Variants in SPAG17 observed in about 807,000 individuals in gnomAD.
SPAG17 encodes sperm associated antigen 17.
A neutral mutation model predicts 273.6 loss-of-function variants in SPAG17; 169 were observed. That is an observed-to-expected ratio of 0.62 (90% CI 0.55 to 0.70). The LOEUF is 0.70. Ranked by LOEUF, SPAG17 falls within the 30% of genes least tolerant of loss-of-function variation. The probability of loss-of-function intolerance (pLI) is 0.00; values close to 1 mark genes in which losing one functional copy is unlikely to be tolerated. For synonymous variants in SPAG17, 825 were observed against 873.2 expected, an observed-to-expected ratio of 0.94 and a Z score of 0.97; for missense variants, 2,557 against 2,627.8, an observed-to-expected ratio of 0.97 and a Z score of 0.59.
intron 48 of SPAG17, chr1:117,962,737 C>CA (rs1653271396): frequency 6.6e-6 from 1 of 152,200 alleles, no homozygotes; most frequent in Non-Finnish European, 1.5e-5. Context: ...AATTATATCT[C>CA]ATTCTAAAGA....
At position 118,152,371 on chromosome 1, in the gene SPAG17, G is replaced by A. The variant is rs531204533; in HGVS notation, c.88-1002C>T. On this transcript the variant is annotated intron_variant, in intron 1 of 48. Transcript: ENST00000336338. ...AAAACAATGTCTAAGATTTGAAAAG[G>A]TCACACAAATTTAATAAAATGCATC... Among the ~76,000 whole-genome samples the A allele has an allele frequency of 3.9e-5, 6 of 152,248 alleles. No individual in the cohort carries two copies. In the East Asian group the frequency reaches 1.2e-3, roughly 29 times the overall value.
intron 36 of SPAG17, 37 bp from the exon 37 acceptor site, chr1:117,991,565 G>A: frequency 7.7e-7 from 1 of 1,292,266 alleles, no homozygotes; most frequent in Non-Finnish European, 1.1e-6. Context: ...ACAAAAACTA[G>A]GAATTAGGAA....
At chr1:118,082,032 T>G (rs1049830410) in intron 13 of SPAG17, among the ~76,000 whole-genome samples, 1 of 152,218 alleles carries the variant, frequency 6.6e-6, no homozygotes, top group Non-Finnish European at 1.5e-5. Context: ...ATTATTTACT[T>G]ATGCCTAATA....
intron 18 of SPAG17, among the ~76,000 whole-genome samples, chr1:118,057,856 T>TA (rs1424851903): frequency 1.3e-5 from 2 of 151,636 alleles, no homozygotes; most frequent in East Asian, 3.9e-4. Flanking sequence ...TTTTTTTTTG[T>TA]AAAATAATAT....
chr1:118,014,639 A>G (rs1021415526), intron 29 of SPAG17, among the ~76,000 whole-genome samples: 1 of 152,234 alleles, frequency 6.6e-6, no homozygotes, highest in Non-Finnish European at 1.5e-5. Context: ...TAGATCATGT[A>G]ATCCATCTTA....
chr1:118,126,043 G>GGT (rs374451307), intron 3 of SPAG17, among the ~76,000 whole-genome samples: 1 of 136,750 alleles, frequency 7.3e-6, no homozygotes, highest in African/African-American at 2.7e-5. Context: ...GTTATTTTCT[G>GGT]TTTTTTTTTT....
chr1:118,168,762 A>G (rs1558058978), intron 1 of SPAG17, among the ~76,000 whole-genome samples: 1 of 152,232 alleles, frequency 6.6e-6, no homozygotes, highest in African/African-American at 2.4e-5. Context: ...GAAAGCAGGG[A>G]TGTCAGTGAG....
At position 118,130,313 on chromosome 1, in the gene SPAG17, T is replaced by C. The variant is rs542829738; in HGVS notation, c.316-14872A>G. Reference sequence around the variant, plus strand: ...TTAAAGATATGGGTTACCTGGGATCTACCCCACAACTATTAAATCAATCTC... The same window carrying C: ...TTAAAGATATGGGTTACCTGGGATCCACCCCACAACTATTAAATCAATCTC... On this transcript the variant is annotated intron_variant, in intron 3 of 48. Coordinates refer to ENST00000336338, the MANE Select transcript of SPAG17 (RefSeq NM_206996.4). 3.3e-5 allele frequency among the ~76,000 whole-genome samples: 5 copies of C among 152,328 alleles called. No homozygotes were observed. The South Asian group carries it at 1.0e-3, about 32-fold the overall frequency.
chr1:117,962,398 A>G (rs1653219155), intron 48 of SPAG17: 1 of 152,178 alleles, frequency 6.6e-6, no homozygotes, highest in Non-Finnish European at 1.5e-5. Flanking sequence ...TAATATAAAA[A>G]CCATCTAATG....
chr1:118,028,410 C>T lies in SPAG17; in HGVS notation c.3610-16G>A, dbSNP rs370538728. The T allele has an allele frequency of 1.2e-6, 2 of 1,611,102 alleles. No individual in the cohort carries two copies. The highest frequency in any genetic ancestry group is 2.7e-5 in the African/African-American group (2 of 74,676). On this transcript the variant is annotated splice_polypyrimidine_tract_variant and intron_variant, in intron 25 of 48. Coordinates refer to ENST00000336338, the MANE Select transcript of SPAG17 (RefSeq NM_206996.4). ...CTTCTTCTTCCTGTAAATAATTCAG[C>T]ATGTGAATAATGGGCTGTCATTTTC...
chr1:118,082,242 A>G (rs910208301), intron 13 of SPAG17, among the ~76,000 whole-genome samples: 1 of 152,178 alleles, frequency 6.6e-6, no homozygotes, highest in Non-Finnish European at 1.5e-5. Flanking sequence ...TTTTCTACGT[A>G]TTAGGCTTTG....
At chr1:118,121,106 T>C (rs1350168436) in intron 3 of SPAG17, among the ~76,000 whole-genome samples, 1 of 152,022 alleles carries the variant, frequency 6.6e-6, no homozygotes, top group African/African-American at 2.4e-5. Context: ...CTTCCCTGCC[T>C]GGAGTTGCTG....
chr1:117,991,105 A>G (rs1009422742), intron 37 of SPAG17, among the ~76,000 whole-genome samples, 199 bp from the exon 38 acceptor site: 2 of 152,220 alleles, frequency 1.3e-5, no homozygotes, highest in Non-Finnish European at 1.5e-5. Flanking sequence ...TTTAACTTGT[A>G]AAAATTCCTT....
intron 18 of SPAG17, among the ~76,000 whole-genome samples, chr1:118,058,533 A>G (rs1165439857): frequency 6.6e-6 from 1 of 152,232 alleles, no homozygotes; most frequent in African/African-American, 2.4e-5. Context: ...AGAGATGTAC[A>G]TACAAACGAA....
At chr1:118,087,054 T>C (rs746145858) in intron 10 of SPAG17, 46 bp from the exon 11 acceptor site, 1 of 1,518,516 alleles carries the variant, frequency 6.6e-7, no homozygotes, top group South Asian at 1.3e-5. Context: ...GGTCCGCTCT[T>C]TAGTGATACT....
intron 46 of SPAG17, 84 bp from the exon 47 acceptor site, chr1:117,966,837 T>A: frequency 1.7e-6 from 2 of 1,202,698 alleles, no homozygotes. Flanking sequence ...GCAAGTTACT[T>A]AAACTCTCTT....
intron 43 of SPAG17, among the ~76,000 whole-genome samples, chr1:117,974,602 T>C (rs1654938260): frequency 6.6e-6 from 1 of 152,218 alleles, no homozygotes. Context: ...TTATTAAGTA[T>C]AGATAAATTA....
At chr1:118,163,109 A>G (rs1314550877) in intron 1 of SPAG17, among the ~76,000 whole-genome samples, 1 of 152,240 alleles carries the variant, frequency 6.6e-6, no homozygotes, top group African/African-American at 2.4e-5. Context: ...ATTTCAAAAA[A>G]GAAAATAATT....
chr1:118,065,150 AAC>A (rs1652825095), intron 18 of SPAG17, among the ~76,000 whole-genome samples: 1 of 152,180 alleles, frequency 6.6e-6, no homozygotes, highest in Non-Finnish European at 1.5e-5. Flanking sequence ...AGACACACGT[AAC>A]ACAGGTTTAA....
Sources: allele counts gnomAD v4.1 joint callset (sites outside exome capture counted in the v4.1 genomes callset), GRCh38; gene constraint gnomAD v4.1.1; transcripts MANE v1.5; gene names NCBI Gene and HGNC (gene_info 2026-07-23, HGNC 2026-07-21).